The following UGT1A9 variants were observed in gnomAD, a reference collection of about 807,000 sequenced individuals.
UGT1A9 encodes the protein UDP glucuronosyltransferase family 1 member A9, also known as UDP-glucuronosyltransferase 1A9.
UGT1A9 carries 35 observed loss-of-function variants against 45.0 expected under a neutral mutation model. The ratio of observed to expected loss-of-function variants is 0.78; its 90% CI spans 0.59 to 1.03. The LOEUF (loss-of-function observed/expected upper bound fraction) is 1.03. UGT1A9 is among the 50% of genes least tolerant of loss of function. The probability of loss-of-function intolerance (pLI) is 0.00; values close to 1 mark genes in which losing one functional copy is unlikely to be tolerated. For synonymous variants in UGT1A9, 278 were observed against 250.6 expected (o/e 1.11, Z -1.03); for missense variants, 687 against 666.6 (o/e 1.03, Z -0.34).
At chr2:233,725,400 G>A (rs1284897270) in intron 1 of UGT1A9, among the ~76,000 whole-genome samples, 1 of 151,356 alleles carries the variant, frequency 6.6e-6, no homozygotes, top group Non-Finnish European at 1.5e-5. Flanking sequence ...TACCTTGATG[G>A]TCTAATACAG....
intron 1 of UGT1A9, chr2:233,708,634 C>CTAA (rs2076027247): frequency 6.6e-6 from 1 of 152,130 alleles, no homozygotes; most frequent in Non-Finnish European, 1.5e-5. Flanking sequence ...GCCTGTAGAC[C>CTAA]TAACTACTCG....
intron 1 of UGT1A9, among the ~76,000 whole-genome samples, chr2:233,685,926 G>C (rs745922812): frequency 3.9e-5 from 6 of 152,054 alleles, no homozygotes; most frequent in Non-Finnish European, 8.8e-5. Flanking sequence ...AATTTATCCT[G>C]ATTGTCTCAA....
intron 1 of UGT1A9, among the ~76,000 whole-genome samples, chr2:233,674,049 G>A (rs753425003): frequency 2.0e-5 from 3 of 152,302 alleles, no homozygotes; most frequent in South Asian, 2.1e-4. Context: ...GTAGTTGGCT[G>A]AATCCAGATT....
At chr2:233,737,085 G>C (rs1351233887) in intron 1 of UGT1A9, among the ~76,000 whole-genome samples, 2 of 152,202 alleles carry the variant, frequency 1.3e-5, no homozygotes, top group Non-Finnish European at 2.9e-5. Flanking sequence ...TGTCAGACAG[G>C]GATGTTTAAG....
At chr2:233,739,452 G>C (rs115541121) in intron 1 of UGT1A9, among the ~76,000 whole-genome samples, 1,700 of 152,308 alleles carry the variant, frequency 0.011, 37 homozygotes, top group African/African-American at 0.039. Flanking sequence ...AAGCCACAGG[G>C]TTGGAGCTGC....
intron 1 of UGT1A9, among the ~76,000 whole-genome samples, chr2:233,744,443 C>T (rs1003987688): frequency 1.2e-4 from 18 of 151,818 alleles, no homozygotes; most frequent in African/African-American, 3.9e-4. Flanking sequence ...ATACGTACTG[C>T]ATTAGAGATT....
At chr2:233,688,006 A>T (rs2074874016) in intron 1 of UGT1A9, among the ~76,000 whole-genome samples, 1 of 152,242 alleles carries the variant, frequency 6.6e-6, no homozygotes, top group African/African-American at 2.4e-5. Context: ...GTGCTCCCAG[A>T]TACAATCAAC....
chr2:233,759,311 G>A (rs1276961284), intron 1 of UGT1A9, among the ~76,000 whole-genome samples: 2 of 152,170 alleles, frequency 1.3e-5, no homozygotes, highest in African/African-American at 2.4e-5. Context: ...TGGCTGAGGT[G>A]GGTGAGCTTT....
intron 1 of UGT1A9, among the ~76,000 whole-genome samples, chr2:233,731,210 T>A (rs2078122398): frequency 6.6e-6 from 1 of 152,162 alleles, no homozygotes; most frequent in Non-Finnish European, 1.5e-5. Context: ...AATACGTGTT[T>A]ATTTAGATTT....
At chr2:233,683,608 C>T (rs188333469) in intron 1 of UGT1A9, among the ~76,000 whole-genome samples, 49 of 152,078 alleles carry the variant, frequency 3.2e-4, no homozygotes, top group Admixed American at 1.0e-3. Flanking sequence ...ATTATTTATT[C>T]GGATTCTGTT....
chr2:233,695,081 C>T (rs188923779), intron 1 of UGT1A9, among the ~76,000 whole-genome samples: 1 of 151,880 alleles, frequency 6.6e-6, no homozygotes, highest in Non-Finnish European at 1.5e-5. Context: ...TGGACTTACT[C>T]ATTCTATCTA....
At chr2:233,699,830 A>G (rs549503068) in intron 1 of UGT1A9, among the ~76,000 whole-genome samples, 1 of 152,280 alleles carries the variant, frequency 6.6e-6, no homozygotes, top group Non-Finnish European at 1.5e-5. Context: ...TCTCAAATAG[A>G]ACTAATTTTT....
intron 1 of UGT1A9, chr2:233,682,683 C>A (rs781284168): frequency 6.2e-7 from 1 of 1,613,862 alleles, no homozygotes; most frequent in Admixed American, 1.7e-5. Flanking sequence ...AGCCACACAT[C>A]AATTTGGTTG....
At chr2:233,749,455 A>C (rs1355144259) in intron 1 of UGT1A9, among the ~76,000 whole-genome samples, 1 of 151,860 alleles carries the variant, frequency 6.6e-6, no homozygotes, top group East Asian at 1.9e-4. Flanking sequence ...GAGCAGAACG[A>C]ATTGGGAACT....
At chr2:233,768,058 C>A in intron 3 of UGT1A9, 122 bp downstream of exon 3, 3 of 1,601,872 alleles carry the variant, frequency 1.9e-6, no homozygotes, top group Non-Finnish European at 2.6e-6. Context: ...TCCTACATTG[C>A]TTTTTATCTA....
chr2:233,744,366 G>A (rs1692789065), intron 1 of UGT1A9, among the ~76,000 whole-genome samples: 1 of 151,836 alleles, frequency 6.6e-6, no homozygotes, highest in South Asian at 2.1e-4. Context: ...TGTTGTTTAG[G>A]ACTGCAGTTC....
At chr2:233,713,830 A>G (rs1248419431) in intron 1 of UGT1A9, 3 of 1,613,954 alleles carry the variant, frequency 1.9e-6, no homozygotes, top group African/African-American at 1.3e-5. Context: ...GGGGGCATCA[A>G]CTGTGCCAAC....
intron 1 of UGT1A9, chr2:233,713,045 T>A: frequency 6.2e-7 from 1 of 1,614,044 alleles, no homozygotes; most frequent in East Asian, 2.2e-5. Context: ...GACTGCTGCT[T>A]CTCCTCAGTG....
intron 1 of UGT1A9, chr2:233,754,896 C>G: frequency 7.4e-7 from 1 of 1,350,638 alleles, no homozygotes; most frequent in Non-Finnish European, 9.9e-7. Flanking sequence ...GTTCCTCTGA[C>G]CCCCCAAAAT....
Sources: allele counts gnomAD v4.1 joint callset (sites outside exome capture counted in the v4.1 genomes callset), GRCh38; gene constraint gnomAD v4.1.1; transcripts MANE v1.5; gene names NCBI Gene and HGNC (gene_info 2026-07-23, HGNC 2026-07-21).